The following TMEM67 variants were observed in gnomAD, a reference collection of about 807,000 sequenced individuals.
TMEM67 encodes the protein meckelin.
In TMEM67, 124 loss-of-function variants were observed where a neutral mutation model predicts 136.6. That is an observed-to-expected ratio of 0.91 (90% CI 0.78 to 1.05). The LOEUF is 1.05. Among genes scored for constraint, TMEM67 ranks in the 50% least tolerant of loss-of-function variants. The probability of loss-of-function intolerance (pLI) is 0.00; values close to 1 mark genes in which losing one functional copy is unlikely to be tolerated. For missense variants in TMEM67, 1,107 were observed against 1,178.4 expected (o/e 0.94, Z 0.89); for synonymous variants, 364 against 390.5 (o/e 0.93, Z 0.80).
intron 6 of TMEM67, among the ~76,000 whole-genome samples, chr8:93,770,889 C>T (rs1158819008): frequency 2.6e-5 from 4 of 152,018 alleles, no homozygotes; most frequent in East Asian, 1.9e-4. Flanking sequence ...GCGGCAGGCT[C>T]CTGTAACCCC....
intron 26 of TMEM67, among the ~76,000 whole-genome samples, chr8:93,814,544 A>G (rs150099576): frequency 2.7e-5 from 4 of 150,734 alleles, no homozygotes; most frequent in Middle Eastern, 3.4e-3. Flanking sequence ...ATAGCTCGCT[A>G]TAACCTCAAA....
At chr8:93,778,091 C>T (rs1216131977) in intron 7 of TMEM67, among the ~76,000 whole-genome samples, 2 of 152,120 alleles carry the variant, frequency 1.3e-5, no homozygotes, top group Non-Finnish European at 2.9e-5. Context: ...TGAATTGATC[C>T]CTTTACCATT....
chr8:93,757,208 A>AT (rs762991069), intron 2 of TMEM67: 4 of 152,122 alleles, frequency 2.6e-5, no homozygotes, highest in Non-Finnish European at 5.9e-5. Context: ...AATTTAAAAT[A>AT]ATTTGTGGCA....
chr8:93,797,550 T>C, intron 20 of TMEM67, 80 bp downstream of exon 20: 1 of 1,366,156 alleles, frequency 7.3e-7, no homozygotes, highest in Non-Finnish European at 1.0e-6. Context: ...AACTAAGTTT[T>C]CATGACAGTG....
At chr8:93,781,872 T>C (rs1043697514) in intron 10 of TMEM67, 128 bp downstream of exon 10, 1 of 541,238 alleles carries the variant, frequency 1.8e-6, no homozygotes, top group Non-Finnish European at 3.2e-6. Context: ...TTTCTGATGC[T>C]TTAAATTAGA....
At chr8:93,763,754 A>G (rs1812953372) in intron 3 of TMEM67, 88 bp from the exon 4 acceptor site, 3 of 850,040 alleles carry the variant, frequency 3.5e-6, no homozygotes, top group Non-Finnish European at 5.9e-6. Context: ...AATAGTTACA[A>G]TTGGGTTTTG....
chr8:93,768,730 A>G (rs2130603827), intron 6 of TMEM67, among the ~76,000 whole-genome samples: 1 of 152,200 alleles, frequency 6.6e-6, no homozygotes, highest in African/African-American at 2.4e-5. Flanking sequence ...GGGGTGAGGA[A>G]TCTGGGGTTC....
At chr8:93,815,242 G>A (rs1808859905) in intron 26 of TMEM67, 63 bp from the exon 27 acceptor site, 1 of 1,213,594 alleles carries the variant, frequency 8.2e-7, no homozygotes, top group Admixed American at 2.4e-5. Context: ...GTCACCAGAA[G>A]TTTATCACAG....
intron 11 of TMEM67, 29 bp from the exon 12 acceptor site, chr8:93,785,193 G>C: frequency 2.2e-6 from 3 of 1,362,254 alleles, no homozygotes; most frequent in Non-Finnish European, 3.1e-6. Context: ...GCTGTTTTAT[G>C]TGCTTTTATT....
chr8:93,782,062 T>G (rs1813860725), intron 10 of TMEM67, among the ~76,000 whole-genome samples: 1 of 152,170 alleles, frequency 6.6e-6, no homozygotes, highest in Admixed American at 6.5e-5. Context: ...TACAGGCGAC[T>G]GCCACCACGT....
chr8:93,782,253 A>G, intron 10 of TMEM67, 142 bp from the exon 11 acceptor site: 2 of 685,288 alleles, frequency 2.9e-6, no homozygotes, highest in Middle Eastern at 3.7e-4. Context: ...CATTTATAAC[A>G]GATGTTCCCT....
chr8:93,796,642 A>G (rs1229471761), intron 18 of TMEM67, among the ~76,000 whole-genome samples: 1 of 152,212 alleles, frequency 6.6e-6, no homozygotes, highest in African/African-American at 2.4e-5. Context: ...AATAAGAAAG[A>G]TGTGTTTCAA....
intron 8 of TMEM67, 46 bp from the exon 9 acceptor site, chr8:93,780,828 A>C: frequency 6.3e-7 from 1 of 1,590,352 alleles, no homozygotes; most frequent in Non-Finnish European, 8.6e-7. Flanking sequence ...ACTAATAATA[A>C]GAAATATTTA....
chr8:93,787,433 T>A (rs1309987781), intron 13 of TMEM67, among the ~76,000 whole-genome samples: 2 of 152,152 alleles, frequency 1.3e-5, no homozygotes, highest in Non-Finnish European at 2.9e-5. Flanking sequence ...TGTTAAGAAT[T>A]CATCTTTCTC....
chr8:93,777,021 A>G (rs1376183205), intron 7 of TMEM67, among the ~76,000 whole-genome samples: 1 of 152,160 alleles, frequency 6.6e-6, no homozygotes, highest in Non-Finnish European at 1.5e-5. Context: ...TATTGCCTCA[A>G]TTTCAGATGC....
chr8:93,758,689 A>G, intron 3 of TMEM67, 113 bp downstream of exon 3: 1 of 899,328 alleles, frequency 1.1e-6, no homozygotes, highest in Non-Finnish European at 1.8e-6. Flanking sequence ...ATATTTTTGC[A>G]GTGGCTCAAG....
At chr8:93,794,934 A>G (rs1395550933) in intron 16 of TMEM67, 3 of 183,620 alleles carry the variant, frequency 1.6e-5, no homozygotes, top group African/African-American at 7.2e-5. Flanking sequence ...TTAGTCATTG[A>G]CTACATGGCT....
intron 6 of TMEM67, among the ~76,000 whole-genome samples, chr8:93,768,185 A>G (rs765767517): frequency 6.6e-6 from 1 of 152,086 alleles, no homozygotes; most frequent in Non-Finnish European, 1.5e-5. Context: ...CATTTCTTTA[A>G]TCAGTTTTGT....
chr8:93,762,573 C>T (rs1812896023), intron 3 of TMEM67, among the ~76,000 whole-genome samples: 1 of 151,962 alleles, frequency 6.6e-6, no homozygotes, highest in Admixed American at 6.6e-5. Context: ...ATCTACTGCA[C>T]CCAGCTTCTT....
Sources: allele counts gnomAD v4.1 joint callset (sites outside exome capture counted in the v4.1 genomes callset), GRCh38; gene constraint gnomAD v4.1.1; transcripts MANE v1.5; gene names NCBI Gene and HGNC (gene_info 2026-07-23, HGNC 2026-07-21).